Variants in MALRD1 observed in about 807,000 individuals in gnomAD.
MALRD1 encodes MAM and LDL receptor class A domain containing 1.
In MALRD1, 247 loss-of-function variants were observed where a neutral mutation model predicts 242.1. That is an observed-to-expected ratio of 1.02 (90% confidence interval 0.92 to 1.13). MALRD1 has a LOEUF of 1.13. Ranked by LOEUF, MALRD1 falls within the 50% of genes most tolerant of loss-of-function variation. The pLI, the probability that MALRD1 is intolerant of heterozygous loss-of-function variation, is 0.00. For missense variants in MALRD1, 2,989 were observed against 2,533.1 expected, an observed-to-expected ratio of 1.18 and a Z score of -3.86; for synonymous variants, 995 against 866.6, an observed-to-expected ratio of 1.15 and a Z score of -2.60.
intron 13 of MALRD1, among the ~76,000 whole-genome samples, chr10:19,174,506 G>A (rs1024249543): frequency 1.5e-4 from 23 of 152,054 alleles, no homozygotes; most frequent in African/African-American, 5.1e-4. Context: ...AGGTTCATAA[G>A]ATTCCTGGCA....
chr10:19,438,588 A>G (rs1229339740), intron 28 of MALRD1, among the ~76,000 whole-genome samples: 1 of 152,210 alleles, frequency 6.6e-6, no homozygotes, highest in Non-Finnish European at 1.5e-5. Context: ...ACTGTTTTCT[A>G]CAGTGACTGT....
At chr10:19,286,724 C>T (rs1841141197) in intron 21 of MALRD1, among the ~76,000 whole-genome samples, 2 of 151,140 alleles carry the variant, frequency 1.3e-5, no homozygotes, top group African/African-American at 4.9e-5. Flanking sequence ...GATTCACAGC[C>T]GAATTCTACC....
upstream of MALRD1, among the ~76,000 whole-genome samples, chr10:19,048,276 A>G (rs1299333203): frequency 1.3e-5 from 2 of 152,220 alleles, no homozygotes; most frequent in Admixed American, 6.5e-5. Flanking sequence ...TTATAAAATA[A>G]TAACATCCAA....
At chr10:19,334,949 T>C (rs1290743188) in intron 24 of MALRD1, among the ~76,000 whole-genome samples, 3 of 152,120 alleles carry the variant, frequency 2.0e-5, no homozygotes, top group African/African-American at 7.2e-5. Flanking sequence ...TCTGGCTAAA[T>C]ATTTCTTGAA....
intron 12 of MALRD1, among the ~76,000 whole-genome samples, chr10:19,165,273 T>A (rs2131504086): frequency 2.8e-5 from 2 of 71,510 alleles, no homozygotes; most frequent in African/African-American, 1.8e-4. Flanking sequence ...ATATTTTGTT[T>A]TGTTTTGTTT....
intron 39 of MALRD1, 60 bp downstream of exon 39, chr10:19,730,841 C>T (rs1835266449): frequency 7.2e-7 from 1 of 1,386,780 alleles, no homozygotes; most frequent in Admixed American, 2.0e-5. Context: ...CAAACACACA[C>T]ACACACACAG....
intron 18 of MALRD1, among the ~76,000 whole-genome samples, chr10:19,238,532 CATTATATATAATATAT>C (rs1838577014): frequency 3.6e-5 from 2 of 55,876 alleles, no homozygotes; most frequent in African/African-American, 1.5e-4. Flanking sequence ...ATATAATATA[CATTATATATAATATAT>C]AATGTATATT....
chr10:19,586,028 G>A lies in MALRD1; in HGVS notation c.5681-9166G>A, dbSNP rs563209457. 2.9e-3 allele frequency among the ~76,000 whole-genome samples: 440 copies of A among 152,218 alleles called. 4 individuals carry two copies. Among genetic ancestry groups the A allele is most frequent in the African/African-American group, 0.01 (418 of 41,528 alleles). On this transcript the variant is annotated intron_variant, in intron 33 of 39. Coordinates refer to ENST00000454679, the MANE Select transcript of MALRD1 (RefSeq NM_001142308.3). Reference sequence around the variant, plus strand: ...TCCAGTTGATCGCATCGGCTCCTGAGGCTTCTGCATTCTTCACGTAGTTTT... The same window carrying A: ...TCCAGTTGATCGCATCGGCTCCTGAAGCTTCTGCATTCTTCACGTAGTTTT...
intron 2 of MALRD1, among the ~76,000 whole-genome samples, chr10:19,079,485 C>T (rs1835415360): frequency 6.6e-6 from 1 of 151,808 alleles, no homozygotes; most frequent in Non-Finnish European, 1.5e-5. Flanking sequence ...CCATATGTAT[C>T]TGTTAGGTCT....
intron 8 of MALRD1, among the ~76,000 whole-genome samples, chr10:19,129,180 C>A (rs1426758834): frequency 6.6e-6 from 1 of 152,010 alleles, no homozygotes; most frequent in Non-Finnish European, 1.5e-5. Context: ...GCAAGACTAC[C>A]CCTACTTCAG....
intron 12 of MALRD1, among the ~76,000 whole-genome samples, chr10:19,159,247 T>C (rs186424244): frequency 1.4e-3 from 217 of 152,318 alleles, no homozygotes; most frequent in Middle Eastern, 0.014. Flanking sequence ...TGTGTGTTTA[T>C]GTATGTGATG....
intron 14 of MALRD1, among the ~76,000 whole-genome samples, chr10:19,202,751 T>C (rs920320845): frequency 1.7e-4 from 26 of 152,286 alleles, no homozygotes; most frequent in African/African-American, 6.3e-4. Context: ...AACAGCTGAA[T>C]GTTCACACCA....
chr10:19,545,333 ACATT>A, intron 32 of MALRD1, among the ~76,000 whole-genome samples: 1 of 152,318 alleles, frequency 6.6e-6, no homozygotes, highest in Middle Eastern at 3.4e-3. Context: ...TTAGGGGAAT[ACATT>A]CATCCTGTAA....
At chr10:19,605,157 A>T (rs933324575) in intron 34 of MALRD1, among the ~76,000 whole-genome samples, 4 of 111,366 alleles carry the variant, frequency 3.6e-5, no homozygotes, top group African/African-American at 7.8e-5. Context: ...TTATTTTTTT[A>T]TTATTATTTT....
intron 18 of MALRD1, among the ~76,000 whole-genome samples, chr10:19,233,925 A>G (rs994520786): frequency 2.6e-5 from 4 of 151,960 alleles, no homozygotes; most frequent in Non-Finnish European, 4.4e-5. Flanking sequence ...TGCTTTTAAT[A>G]TGAAGTTTTT....
chr10:19,232,269 C>A (rs909304607), intron 18 of MALRD1, among the ~76,000 whole-genome samples: 2 of 151,736 alleles, frequency 1.3e-5, no homozygotes, highest in Non-Finnish European at 2.9e-5. Flanking sequence ...CAGGCTCAAG[C>A]AATTCTCCTG....
intron 9 of MALRD1, among the ~76,000 whole-genome samples, chr10:19,135,737 T>C (rs1382566707): frequency 1.3e-5 from 2 of 152,248 alleles, no homozygotes; most frequent in Non-Finnish European, 2.9e-5. Context: ...CTGTAGCTCA[T>C]GGCTAATGTT....
chr10:19,204,342 C>G lies in MALRD1; in HGVS notation c.2139C>G (p.Ser713Arg). 1 of 1,544,942 alleles carries G rather than the reference C, an allele frequency of 6.5e-7. No individual in the cohort carries two copies. The highest frequency in any genetic ancestry group is 8.7e-7 in the Non-Finnish European group (1 of 1,144,984). Reference protein sequence around the residue: ...HFMFILKKSSSLWQVAKLQSP... With the variant: ...HFMFILKKSSRLWQVAKLQSP... Reference sequence around the variant, plus strand: ...TGTTCATTCTGAAGAAAAGCAGCAGCTTGTGGCAAGTTGCTAAGCTTCAGA... The same window carrying G: ...TGTTCATTCTGAAGAAAAGCAGCAGGTTGTGGCAAGTTGCTAAGCTTCAGA... The change falls in exon 16 of 40, where the codon AGC (serine) becomes AGG (arginine). Residue 713 changes from serine (S) to arginine (R), a missense_variant. Physicochemically the swap from Ser to Arg is moderately radical, Grantham distance 110. Coordinates refer to ENST00000454679, the MANE Select transcript of MALRD1 (RefSeq NM_001142308.3).
intron 38 of MALRD1, among the ~76,000 whole-genome samples, chr10:19,695,142 A>T (rs1033966872): frequency 2.6e-5 from 4 of 152,192 alleles, no homozygotes; most frequent in African/African-American, 9.6e-5. Context: ...TAATGGGTGC[A>T]GCACACCAAC....
Sources: allele counts gnomAD v4.1 joint callset (sites outside exome capture counted in the v4.1 genomes callset), GRCh38; gene constraint gnomAD v4.1.1; transcripts MANE v1.5; gene names NCBI Gene and HGNC (gene_info 2026-07-23, HGNC 2026-07-21).